The following ME3 variants were observed in gnomAD, a reference collection of about 807,000 sequenced individuals.
ME3 encodes NADP-dependent malic enzyme, mitochondrial.
In ME3, 48 loss-of-function variants were observed where a neutral mutation model predicts 68.9. The observed-to-expected ratio is 0.70, with a 90% confidence interval of 0.55 to 0.89. The LOEUF is 0.89. Ranked by LOEUF, ME3 falls within the 40% of genes least tolerant of loss-of-function variation. ME3 has a pLI of 0.00. For synonymous variants in ME3, 320 were observed against 318.8 expected (o/e 1.00, Z -0.04); for missense variants, 675 against 797.4 (o/e 0.85, Z 1.85).
intron 7 of ME3, among the ~76,000 whole-genome samples, chr11:86,465,933 TG>T (rs1289985045): frequency 6.6e-6 from 1 of 152,180 alleles, no homozygotes; most frequent in African/African-American, 2.4e-5. Context: ...GCACCCCAGA[TG>T]GTTCTGATTC....
intron 7 of ME3, among the ~76,000 whole-genome samples, chr11:86,468,375 A>G (rs564716476): frequency 7.9e-5 from 12 of 152,020 alleles, no homozygotes; most frequent in African/African-American, 2.9e-4. Flanking sequence ...CCATCCATCC[A>G]TCATTCATTT....
At chr11:86,437,007 T>C (rs749634840), downstream of ME3, 5 of 152,200 alleles carry the variant, frequency 3.3e-5, no homozygotes, top group Non-Finnish European at 7.4e-5. Flanking sequence ...TATGGACTTT[T>C]AGTGTAATCA....
chr11:86,626,326 C>T (rs1368646638), intron 2 of ME3, among the ~76,000 whole-genome samples: 1 of 152,202 alleles, frequency 6.6e-6, no homozygotes, highest in Non-Finnish European at 1.5e-5. Flanking sequence ...CATCCTCTAC[C>T]TGTGAGTGGC....
intron 2 of ME3, among the ~76,000 whole-genome samples, chr11:86,595,333 C>T (rs12285279): frequency 0.01 from 1,020 of 98,624 alleles, 99 homozygotes; most frequent in African/African-American, 0.042. Flanking sequence ...AGAGAGAGAG[C>T]TTATTATGTA....
At chr11:86,603,029 T>C (rs760027498) in intron 2 of ME3, among the ~76,000 whole-genome samples, 36 of 152,182 alleles carry the variant, frequency 2.4e-4, no homozygotes, top group Non-Finnish European at 4.0e-4. Flanking sequence ...CTTCAGGACA[T>C]AGGCATGGGC....
intron 2 of ME3, among the ~76,000 whole-genome samples, chr11:86,584,082 T>C (rs1453963368): frequency 2.0e-5 from 3 of 152,186 alleles, no homozygotes; most frequent in Admixed American, 6.5e-5. Context: ...AAGGAGTTAA[T>C]TTCCAAAATA....
chr11:86,560,587 T>C (rs572070791), intron 2 of ME3, among the ~76,000 whole-genome samples: 2 of 151,884 alleles, frequency 1.3e-5, no homozygotes, highest in African/African-American at 4.8e-5. Context: ...ATACGTTCAT[T>C]AGAGTCAATG....
At chr11:86,597,161 C>G (rs959081508) in intron 2 of ME3, among the ~76,000 whole-genome samples, 2 of 152,222 alleles carry the variant, frequency 1.3e-5, no homozygotes, top group African/African-American at 4.8e-5. Flanking sequence ...CAGCAGGACT[C>G]CACTTCATAA....
intron 9 of ME3, 93 bp from the exon 10 acceptor site, chr11:86,450,095 C>G: frequency 8.9e-7 from 1 of 1,129,134 alleles, no homozygotes; most frequent in Non-Finnish European, 1.3e-6. Context: ...CCTTTTCTTT[C>G]CCCCACCTCA....
chr11:86,637,077 C>G (rs1166494059), intron 2 of ME3, among the ~76,000 whole-genome samples: 1 of 152,122 alleles, frequency 6.6e-6, no homozygotes, highest in Non-Finnish European at 1.5e-5. Context: ...AAAAAATGAG[C>G]AAATCAGTAA....
At chr11:86,552,238 G>A (rs1956725882) in intron 4 of ME3, among the ~76,000 whole-genome samples, 1 of 152,186 alleles carries the variant, frequency 6.6e-6, no homozygotes, top group Non-Finnish European at 1.5e-5. Flanking sequence ...TAAATTAATT[G>A]TCAAAAGTCA....
chr11:86,529,557 AAG>A, intron 4 of ME3, among the ~76,000 whole-genome samples: 1 of 152,338 alleles, frequency 6.6e-6, no homozygotes, highest in African/African-American at 2.4e-5. Context: ...ACAACAAAAA[AAG>A]AGAATTTTAG....
At chr11:86,557,534 A>C (rs764195588) in intron 3 of ME3, among the ~76,000 whole-genome samples, 5 of 152,222 alleles carry the variant, frequency 3.3e-5, no homozygotes, top group Non-Finnish European at 7.3e-5. Context: ...ATCTCTGGGC[A>C]TGACATCAGG....
chr11:86,516,507 C>T (rs1232788984), intron 4 of ME3, among the ~76,000 whole-genome samples: 6 of 152,112 alleles, frequency 3.9e-5, no homozygotes, highest in Non-Finnish European at 8.8e-5. Flanking sequence ...CCTGCCTCAG[C>T]TCCCCAAGTA....
chr11:86,631,549 C>G (rs534891182), intron 2 of ME3, among the ~76,000 whole-genome samples: 1 of 152,202 alleles, frequency 6.6e-6, no homozygotes, highest in South Asian at 2.1e-4. Flanking sequence ...AAAAAAATTC[C>G]TTAGCTCCTT....
intron 13 of ME3, among the ~76,000 whole-genome samples, chr11:86,443,620 T>C (rs539299730): frequency 2.0e-5 from 3 of 152,362 alleles, no homozygotes; most frequent in Admixed American, 6.5e-5. Context: ...CTACTCCCAC[T>C]GAGGCTTCTG....
chr11:86,447,164 C>T (rs775960852), exon 12 of ME3: 7 of 1,614,042 alleles, frequency 4.3e-6, no homozygotes, highest in Non-Finnish European at 5.9e-6. Context: ...AGGCCATGTC[C>T]CTCAGAATCT....
chr11:86,483,620 A>T (rs1345239887), intron 7 of ME3, among the ~76,000 whole-genome samples: 12 of 152,216 alleles, frequency 7.9e-5, no homozygotes, highest in Non-Finnish European at 1.8e-4. Context: ...TAAAAAGTAG[A>T]TGACTTTTTA....
At chr11:86,457,692 A>T (rs1950015437) in intron 8 of ME3, 7 of 1,288,788 alleles carry the variant, frequency 5.4e-6, no homozygotes, top group African/African-American at 1.5e-5. Context: ...CCATGGGTCC[A>T]GGGATGTGCT....
Sources: gnomAD v4.1 joint callset for allele counts (sites outside exome capture counted in the v4.1 genomes callset) on GRCh38, gnomAD v4.1.1 for gene constraint, MANE v1.5 for transcripts, NCBI Gene and HGNC (gene_info 2026-07-23, HGNC 2026-07-21) for gene names.